FKTN: variants seen among roughly 807,000 people sequenced by gnomAD.
FKTN encodes fukutin.
Under a neutral mutation model 58.6 loss-of-function variants are expected in FKTN, and 47 were observed. The observed-to-expected ratio is 0.80, with a 90% CI of 0.63 to 1.02. The LOEUF (loss-of-function observed/expected upper bound fraction) is 1.02, where lower values mean the gene tolerates loss of function less well. FKTN is among the 50% of genes least tolerant of loss of function. The pLI, the probability that FKTN is intolerant of heterozygous loss-of-function variation, is 0.00. For synonymous variants in FKTN, 178 were observed against 191.9 expected (o/e 0.93, Z 0.60); for missense variants, 516 against 537.3 (o/e 0.96, Z 0.39).
At chr9:105,598,451 C>G (rs945267722) in intron 4 of FKTN, 7 of 155,294 alleles carry the variant, frequency 4.5e-5, no homozygotes, top group Admixed American at 1.3e-4. Flanking sequence ...TAGGCTTTTA[C>G]TAAGAACAAG....
chr9:105,630,647 A>C (rs1233505325), intron 10 of FKTN, among the ~76,000 whole-genome samples: 1 of 152,240 alleles, frequency 6.6e-6, no homozygotes, highest in Non-Finnish European at 1.5e-5. Flanking sequence ...TTACTGTCTC[A>C]GTGAATACAG....
chr9:105,615,131 G>A (rs1830585889), intron 7 of FKTN, 147 bp from the exon 8 acceptor site: 1 of 785,814 alleles, frequency 1.3e-6, no homozygotes, highest in African/African-American at 1.7e-5. Flanking sequence ...TGATCCACCT[G>A]CCTTGGCTTC....
intron 7 of FKTN, among the ~76,000 whole-genome samples, chr9:105,614,109 A>G (rs768768175): frequency 8.5e-5 from 13 of 152,182 alleles, no homozygotes; most frequent in Non-Finnish European, 1.9e-4. Context: ...AGGAACCAGA[A>G]CACAGTGTTT....
chr9:105,618,226 C>A, intron 9 of FKTN, 134 bp downstream of exon 9: 1 of 795,982 alleles, frequency 1.3e-6, no homozygotes, highest in Non-Finnish European at 2.2e-6. Context: ...ATGAGTTCAG[C>A]AGAAGCCTGT....
chr9:105,614,914 C>A lies in FKTN; in HGVS notation c.781-364C>A, dbSNP rs556411231. Among the ~76,000 whole-genome samples, 102 of 146,872 alleles carry A rather than the reference C, an allele frequency of 6.9e-4. 1 individual carries two copies. The highest frequency in any genetic ancestry group is 2.5e-3 in the African/African-American group (101 of 39,946). ...TTTTTTTTCTTTTTTGAGACAGTCT[C>A]ATTCTGTCGCCCAGGCTGGAGTATA... On this transcript the variant is annotated intron_variant, in intron 7 of 10. Transcript: ENST00000357998.
At chr9:105,618,383 T>A (rs1172236955) in intron 9 of FKTN, among the ~76,000 whole-genome samples, 1 of 152,156 alleles carries the variant, frequency 6.6e-6, no homozygotes, top group Non-Finnish European at 1.5e-5. Flanking sequence ...TATAGGTGAA[T>A]GTATTGCTAT....
At chr9:105,562,968 C>T (rs1246891998) in intron 1 of FKTN, among the ~76,000 whole-genome samples, 1 of 152,204 alleles carries the variant, frequency 6.6e-6, no homozygotes, top group South Asian at 2.1e-4. Context: ...CTTCCCCCCA[C>T]TCCTGCCTTC....
Position 105,636,795 on chromosome 9 carries a change from G to A in FKTN, c.*1531G>A. The A allele has an allele frequency of 8.0e-7, 1 of 1,257,476 alleles. No individual in the cohort carries two copies. Among genetic ancestry groups the A allele is most frequent in the East Asian group, 5.8e-5 (1 of 17,156 alleles). 77.9% of individuals were successfully genotyped at this position (1,257,476 alleles called of 1,614,324 possible). ...CAAGAATGGAAACCTGAATGTCTGA[G>A]GGAATGGGCTGGTAGACTTTTTCGA... On this transcript the variant is annotated 3_prime_UTR_variant, in exon 11 of 11. Coordinates refer to ENST00000357998, the MANE Select transcript of FKTN (RefSeq NM_001079802.2).
intron 10 of FKTN, among the ~76,000 whole-genome samples, chr9:105,632,425 A>T (rs1031084507): frequency 1.1e-4 from 16 of 147,362 alleles, no homozygotes; most frequent in African/African-American, 2.0e-4. Flanking sequence ...ATAATAAAAA[A>T]AAATATATAT....
chr9:105,617,339 T>A (rs973589327), intron 8 of FKTN, among the ~76,000 whole-genome samples: 4 of 152,304 alleles, frequency 2.6e-5, no homozygotes, highest in East Asian at 3.9e-4. Flanking sequence ...CTTAGAAATA[T>A]CATTTGGCAG....
Position 105,638,311 on chromosome 9 carries a change from T to C in FKTN, c.*3047T>C. On this transcript the variant is annotated 3_prime_UTR_variant, in exon 11 of 11. Transcript: ENST00000357998. ...CCGCTTAGTATCTTTTTGTTCAGAT[T>C]GAGAACCTAAGGCGACAGAGAGGTC... The C allele has an allele frequency of 3.0e-6, 3 of 985,424 alleles. No individual in the cohort carries two copies. Among genetic ancestry groups the C allele is most frequent in the Non-Finnish European group, 3.6e-6 (3 of 829,928 alleles). 61.0% of individuals were successfully genotyped at this position (985,424 alleles called of 1,614,324 possible).
At chr9:105,626,944 A>C (rs1485762918) in intron 10 of FKTN, among the ~76,000 whole-genome samples, 1 of 151,238 alleles carries the variant, frequency 6.6e-6, no homozygotes. Context: ...TCTTACTTGA[A>C]AATATCTTCT....
chr9:105,568,755 G>C (rs182231764), intron 1 of FKTN, among the ~76,000 whole-genome samples: 112 of 152,258 alleles, frequency 7.4e-4, no homozygotes, highest in Non-Finnish European at 1.3e-3. Context: ...TCTAGAACTA[G>C]AAATACCATT....
chr9:105,577,530 C>T (rs1314894382), intron 3 of FKTN, among the ~76,000 whole-genome samples: 1 of 142,886 alleles, frequency 7.0e-6, no homozygotes, highest in African/African-American at 2.7e-5. Context: ...TGATCTATAT[C>T]TCTGTTTTGG....
chr9:105,639,982 A>T lies in FKTN; in HGVS notation c.*4718A>T. On this transcript the variant is annotated 3_prime_UTR_variant, in exon 11 of 11. Transcript: ENST00000357998. ...GATTTGGAGAGGGAAGAAATCTGGAATACTTAATTTCATTTAATTATCTAT... is the reference window on the plus strand; with the variant it reads ...GATTTGGAGAGGGAAGAAATCTGGATTACTTAATTTCATTTAATTATCTAT... 1 of 1,512,304 alleles carries T rather than the reference A, an allele frequency of 6.6e-7. No homozygotes were observed. The highest frequency in any genetic ancestry group is 8.8e-7 in the Non-Finnish European group (1 of 1,132,540). The allele number at this position is 1,512,304 out of a possible 1,614,324, so 93.7% of individuals were successfully genotyped here. A position where few individuals can be genotyped will look rare whatever the true frequency, so the allele number is the denominator to read the frequency against.
chr9:105,578,800 T>A (rs1326891589), intron 3 of FKTN, among the ~76,000 whole-genome samples: 1 of 151,734 alleles, frequency 6.6e-6, no homozygotes, highest in Non-Finnish European at 1.5e-5. Flanking sequence ...CATCTGGTCC[T>A]GGACTTTTTT....
chr9:105,621,215 G>T (rs1341115407), intron 10 of FKTN, among the ~76,000 whole-genome samples: 1 of 152,124 alleles, frequency 6.6e-6, no homozygotes, highest in Non-Finnish European at 1.5e-5. Flanking sequence ...GACAGATGGT[G>T]TGAGTCCCAG....
At chr9:105,561,000 T>C (rs896809459) in intron 1 of FKTN, among the ~76,000 whole-genome samples, 1 of 151,876 alleles carries the variant, frequency 6.6e-6, no homozygotes, top group African/African-American at 2.4e-5. Flanking sequence ...GGTAGGAGAA[T>C]CACTTGAACC....
intron 1 of FKTN, among the ~76,000 whole-genome samples, chr9:105,567,176 C>A (rs951545148): frequency 2.0e-5 from 3 of 152,174 alleles, no homozygotes; most frequent in African/African-American, 7.2e-5. Context: ...TTATGACAAA[C>A]CCACAGCCAA....
Sources: allele counts gnomAD v4.1 joint callset (sites outside exome capture counted in the v4.1 genomes callset), GRCh38; gene constraint gnomAD v4.1.1; transcripts MANE v1.5; gene names NCBI Gene and HGNC (gene_info 2026-07-23, HGNC 2026-07-21).